Variants in SEC61A2 observed in about 807,000 individuals in gnomAD.
The protein encoded by SEC61A2 is SEC61 translocon subunit alpha 2.
SEC61A2 carries 28 observed loss-of-function variants against 59.9 expected under a neutral mutation model. The ratio of observed to expected loss-of-function variants is 0.47; its 90% CI spans 0.35 to 0.64. The LOEUF (loss-of-function observed/expected upper bound fraction) is 0.64. SEC61A2 is among the 30% of genes least tolerant of loss of function. The pLI, the probability that SEC61A2 is intolerant of heterozygous loss-of-function variation, is 0.01. For missense variants in SEC61A2, 340 were observed against 585.9 expected, an observed-to-expected ratio of 0.58 and a Z score of 4.33; for synonymous variants, 202 against 214.4, an observed-to-expected ratio of 0.94 and a Z score of 0.50.
downstream of SEC61A2, among the ~76,000 whole-genome samples, chr10:12,168,614 G>A (rs1010417485): frequency 3.9e-5 from 6 of 152,176 alleles, no homozygotes; most frequent in African/African-American, 1.2e-4. This position sits in a 1 kb window ranked among gnomAD's most constrained non-coding sequence, Gnocchi z 4.8. Context: ...GTTGCCAGAT[G>A]TAAAATCAGC....
Position 12,165,090 on chromosome 10 carries a change from CCT to C in SEC61A2, c.*641_*642del. On this transcript the variant is annotated 3_prime_UTR_variant, in exon 12 of 12. Coordinates refer to ENST00000298428, the MANE Select transcript of SEC61A2 (RefSeq NM_018144.4). ...TCTTCCTCCTTTTCCTTCTCCTCCT[CCT>C]CTCTTCCCAGTGACAGCATCATCGT... 1.0e-6 allele frequency: 1 copy of C among 986,910 alleles called. No homozygotes were observed. Among genetic ancestry groups the C allele is most frequent in the South Asian group, 4.7e-5 (1 of 21,308 alleles). The allele number at this position is 986,910 out of a possible 1,614,324, so 61.1% of individuals were successfully genotyped here. A position where few individuals can be genotyped will look rare whatever the true frequency, so the allele number is the denominator to read the frequency against.
At chr10:12,168,826 G>A (rs1323447928), downstream of SEC61A2, among the ~76,000 whole-genome samples, 2 of 151,934 alleles carry the variant, frequency 1.3e-5, no homozygotes, top group Admixed American at 6.6e-5. The surrounding 1 kb of genome is among the most constrained non-coding windows in gnomAD (Gnocchi z 4.8). Context: ...GCAGTGCCAC[G>A]ATCTTGGCTC....
chr10:12,157,640 C>T (rs931044029), intron 8 of SEC61A2, among the ~76,000 whole-genome samples: 9 of 151,796 alleles, frequency 5.9e-5, no homozygotes, highest in Non-Finnish European at 8.8e-5. Context: ...GTAGCTGGGA[C>T]TACAGGTGCA....
At chr10:12,167,762 G>T, downstream of SEC61A2, 1 of 1,614,156 alleles carries the variant, frequency 6.2e-7, no homozygotes, top group East Asian at 2.2e-5. Context: ...GTGCTAGAGC[G>T]TAGGAATAGA....
Position 12,161,695 on chromosome 10 carries a change from C to T in SEC61A2, c.1168-518C>T, listed in dbSNP as rs932883640. Among the ~76,000 whole-genome samples, 3 of 152,154 alleles carry T rather than the reference C, an allele frequency of 2.0e-5. No individual in the cohort carries two copies. The highest frequency in any genetic ancestry group is 6.5e-5 in the Admixed American group (1 of 15,270). Reference sequence around the variant, plus strand: ...GTCGGAGGTTGCAGTGAGCTGAGATCGTGCCACTGAACTCCAGCCTGGCGA... The same window carrying T: ...GTCGGAGGTTGCAGTGAGCTGAGATTGTGCCACTGAACTCCAGCCTGGCGA... On this transcript the variant is annotated intron_variant, in intron 10 of 11. Coordinates refer to ENST00000298428, the MANE Select transcript of SEC61A2 (RefSeq NM_018144.4). The surrounding 1 kb of genome is among the most constrained non-coding windows in gnomAD (Gnocchi z 5.4).
rs1411391957 is a variant in SEC61A2 at position 12,149,684 on chromosome 10, G to A, written c.310G>A (p.Asp104Asn). 1 of 1,613,998 alleles carries A rather than the reference G, an allele frequency of 6.2e-7. No homozygotes were observed. The highest frequency in any genetic ancestry group is 1.7e-5 in the Admixed American group (1 of 59,950). Reference sequence around the variant, plus strand: ...TGGAGCCAAAATCATTGAAGTTGGAGATACACCGAAAGATAGAGCTTTATT... The same window carrying A: ...TGGAGCCAAAATCATTGAAGTTGGAAATACACCGAAAGATAGAGCTTTATT... The part of the protein sequence containing the change: ...LAGAKIIEVG[D>N]TPKDRALFNG... The change falls in exon 5 of 12, where the codon GAT (aspartate) becomes AAT (asparagine). Residue 104 changes from aspartate to asparagine, a missense_variant. Physicochemically the swap from Asp to Asn is conservative, Grantham distance 23 (BLOSUM62 1). Coordinates refer to ENST00000298428, the MANE Select transcript of SEC61A2 (RefSeq NM_018144.4). The surrounding 1 kb of genome is among the most constrained non-coding windows in gnomAD (Gnocchi z 5.2).
At chr10:12,136,219 T>A (rs1184843303) in intron 3 of SEC61A2, 49 bp downstream of exon 3, 2 of 1,210,490 alleles carry the variant, frequency 1.7e-6, no homozygotes, top group Non-Finnish European at 2.4e-6. Flanking sequence ...GTTCTAAGGT[T>A]TTGATTGGTT....
chr10:12,165,116 G>A lies in SEC61A2; in HGVS notation c.*662G>A. On this transcript the variant is annotated 3_prime_UTR_variant, in exon 12 of 12. Transcript: ENST00000298428. ...CTCTCTTCCCAGTGACAGCATCATC[G>A]TGCTGTTTGCCTGTATTGGCTATGC... 1.4e-5 allele frequency: 14 copies of A among 985,402 alleles called. No homozygotes were observed. The South Asian group carries it at 5.2e-4, about 36-fold the overall frequency. 61.0% of individuals were successfully genotyped at this position (985,402 alleles called of 1,614,324 possible). A position where few individuals can be genotyped will look rare whatever the true frequency, so the allele number is the denominator to read the frequency against.
downstream of SEC61A2, chr10:12,169,487 C>G (rs1834803557): frequency 3.6e-6 from 2 of 563,334 alleles, no homozygotes; most frequent in Middle Eastern, 4.1e-4. This position sits in a 1 kb window ranked among gnomAD's most constrained non-coding sequence, Gnocchi z 4.8. Flanking sequence ...CGCGGAGCCT[C>G]AAACCGAGTC....
At chr10:12,138,026 T>TA (rs1833927678) in intron 3 of SEC61A2, among the ~76,000 whole-genome samples, 1 of 151,856 alleles carries the variant, frequency 6.6e-6, no homozygotes, top group African/African-American at 2.4e-5. Context: ...AATACATAGA[T>TA]ACATACATAC....
chr10:12,149,843 T>A lies in SEC61A2; in HGVS notation c.353-9T>A. ...AAGCGTGCTCTCCTTTCCCCCCAAC[T>A]TTCATCAGTGTTTGGTATGATCATT... On this transcript the variant is annotated splice_polypyrimidine_tract_variant and intron_variant, in intron 5 of 11. Coordinates refer to ENST00000298428, the MANE Select transcript of SEC61A2 (RefSeq NM_018144.4). The surrounding 1 kb of genome is among the most constrained non-coding windows in gnomAD (Gnocchi z 5.2). 6.2e-7 allele frequency: 1 copy of A among 1,612,958 alleles called. No homozygotes were observed. Among genetic ancestry groups the A allele is most frequent in the Non-Finnish European group, 8.5e-7 (1 of 1,179,052 alleles).
Position 12,155,328 on chromosome 10 carries a change from G to C in SEC61A2, c.463-450G>C. On this transcript the variant is annotated intron_variant, in intron 6 of 11. Transcript: ENST00000298428. The surrounding 1 kb of genome is among the most constrained non-coding windows in gnomAD (Gnocchi z 4.3). ...TTTCAAAGGATCAACACAGCCCTTA[G>C]ACTTATCCTTTGATGGCAGTGTACA... is the stretch of plus-strand genomic sequence containing the variant. 1 of 1,581,102 alleles carries C rather than the reference G, an allele frequency of 6.3e-7. No individual in the cohort carries two copies. The highest frequency in any genetic ancestry group is 8.6e-7 in the Non-Finnish European group (1 of 1,165,596).
At chr10:12,132,994 A>G (rs1208490475) in intron 1 of SEC61A2, among the ~76,000 whole-genome samples, 1 of 152,226 alleles carries the variant, frequency 6.6e-6, no homozygotes, top group African/African-American at 2.4e-5. Flanking sequence ...AGTTCTGGAA[A>G]AAGGTTGCTT....
downstream of SEC61A2, chr10:12,166,780 G>A (rs778323120): frequency 3.1e-5 from 15 of 488,856 alleles, no homozygotes; most frequent in Middle Eastern, 1.3e-3. Flanking sequence ...ACTCACTCAA[G>A]AAGCTAAGAA....
In SEC61A2 at chr10:12,155,522, A is replaced by G. The variant is rs1336657122; in HGVS notation, c.463-256A>G. 44 of 681,292 alleles carry G rather than the reference A, an allele frequency of 6.5e-5. 1 individual carries two copies. In the Admixed American group the frequency reaches 1.3e-3, roughly 21 times the overall value. 42.2% of individuals were successfully genotyped at this position (681,292 alleles called of 1,614,324 possible). A position where few individuals can be genotyped will look rare whatever the true frequency, so the allele number is the denominator to read the frequency against. On this transcript the variant is annotated intron_variant, in intron 6 of 11. Coordinates refer to ENST00000298428, the MANE Select transcript of SEC61A2 (RefSeq NM_018144.4). This position sits in a 1 kb window ranked among gnomAD's most constrained non-coding sequence, Gnocchi z 4.3. Reference sequence around the variant, plus strand: ...TTAAACATTGCAAAAGAAACTATTCAGATAAGTGTAAATAGACTTTAAAAG... The same window carrying G: ...TTAAACATTGCAAAAGAAACTATTCGGATAAGTGTAAATAGACTTTAAAAG...
chr10:12,134,835 T>G lies in SEC61A2; in HGVS notation c.76-1270T>G, dbSNP rs540023264. ...CGGGAGGCTGAGGCAGGAGAATCGCTTGAACCTGGGGTGGTAGAGGTTGCA... is the reference window on the plus strand; with the variant it reads ...CGGGAGGCTGAGGCAGGAGAATCGCGTGAACCTGGGGTGGTAGAGGTTGCA... On this transcript the variant is annotated intron_variant, in intron 2 of 11. Coordinates refer to ENST00000298428, the MANE Select transcript of SEC61A2 (RefSeq NM_018144.4). 1.1e-3 allele frequency among the ~76,000 whole-genome samples: 170 copies of G among 152,022 alleles called. 1 individual carries two copies. Among genetic ancestry groups the G allele is most frequent in the African/African-American group, 4.0e-3 (164 of 41,470 alleles).
Position 12,153,660 on chromosome 10 carries a change from T to C in SEC61A2, c.463-2118T>C, listed in dbSNP as rs1013599510. The C allele has an allele frequency of 6.7e-7, 1 of 1,498,678 alleles. No individual in the cohort carries two copies. Among genetic ancestry groups the C allele is most frequent in the Non-Finnish European group, 9.1e-7 (1 of 1,102,076 alleles). 92.8% of individuals were successfully genotyped at this position (1,498,678 alleles called of 1,614,324 possible). ...ACACAAATATGCGTGTTATGGCTAA[T>C]TCTTCTAATGTTAATATATAAAGAG... On this transcript the variant is annotated intron_variant, in intron 6 of 11. Transcript: ENST00000298428. The surrounding 1 kb of genome is among the most constrained non-coding windows in gnomAD (Gnocchi z 5.2).
At chr10:12,144,110 G>A (rs1834085940) in intron 4 of SEC61A2, among the ~76,000 whole-genome samples, 1 of 152,050 alleles carries the variant, frequency 6.6e-6, no homozygotes, top group South Asian at 2.1e-4. Flanking sequence ...GTGAGCCACT[G>A]CACCCAGCCT....
chr10:12,165,484 TA>T (rs138273926), downstream of SEC61A2: 432 of 430,994 alleles, frequency 1.0e-3, 2 homozygotes, highest in African/African-American at 8.8e-3. Flanking sequence ...AAGTCAAATG[TA>T]ATTACACTTC....
Sources: allele counts gnomAD v4.1 joint callset (sites outside exome capture counted in the v4.1 genomes callset), GRCh38; gene constraint gnomAD v4.1.1; non-coding constraint Gnocchi (gnomAD v3.1); transcripts MANE v1.5; gene names NCBI Gene and HGNC (gene_info 2026-07-23, HGNC 2026-07-21).